ST6GALNAC4: variants seen among roughly 807,000 people sequenced by gnomAD.
The protein encoded by ST6GALNAC4 is ST6 N-acetylgalactosaminide alpha-2,6-sialyltransferase 4.
A neutral mutation model predicts 30.4 loss-of-function variants in ST6GALNAC4; 24 were observed. The ratio of observed to expected loss-of-function variants is 0.79; its 90% CI spans 0.57 to 1.11. The LOEUF (loss-of-function observed/expected upper bound fraction) is 1.11. ST6GALNAC4 is among the 50% of genes most tolerant of loss of function. The pLI, the probability that ST6GALNAC4 is intolerant of heterozygous loss-of-function variation, is 0.00. For missense variants in ST6GALNAC4, 365 were observed against 430.1 expected (o/e 0.85, Z 1.34); for synonymous variants, 156 against 179.7 (o/e 0.87, Z 1.05).
chr9:127,915,032 C>T (rs375575774), intron 2 of ST6GALNAC4, among the ~76,000 whole-genome samples, 191 bp from the exon 3 acceptor site: 20 of 152,158 alleles, frequency 1.3e-4, no homozygotes, highest in African/African-American at 2.9e-4. Flanking sequence ...CATAAGGCCC[C>T]GGAGATAACA....
At position 127,908,208 on chromosome 9, in the gene ST6GALNAC4, C is replaced by A; in HGVS notation, c.*184G>T. The A allele has an allele frequency of 3.4e-6, 1 of 290,076 alleles. No individual in the cohort carries two copies. The highest frequency in any genetic ancestry group is 6.1e-6 in the Non-Finnish European group (1 of 164,822). The allele number at this position is 290,076 out of a possible 1,614,324, so 18.0% of individuals were successfully genotyped here. On this transcript the variant is annotated 3_prime_UTR_variant, in exon 6 of 6. Transcript: ENST00000335791. ...CACGGCTCCCCCCTCCACTCCCCTTCAAGTCATGAGGCCTGAGATGGCTCC... is the reference window on the plus strand; with the variant it reads ...CACGGCTCCCCCCTCCACTCCCCTTAAAGTCATGAGGCCTGAGATGGCTCC...
chr9:127,914,596 C>T (rs1458198568), intron 3 of ST6GALNAC4, 60 bp downstream of exon 3: 11 of 1,451,500 alleles, frequency 7.6e-6, no homozygotes, highest in Non-Finnish European at 1.0e-5. Context: ...GCTCAAGGTC[C>T]GGTTTGGGAC....
rs1041660343 is a variant in ST6GALNAC4 at position 127,907,905 on chromosome 9, C to T, written c.*487G>A. ...ACAGCATCCAGAAAACACACGTTTA[C>T]CCGTACGTTCCTGATACGGCCCCGG... On this transcript the variant is annotated 3_prime_UTR_variant, in exon 6 of 6. Transcript: ENST00000335791. 1 of 152,458 alleles carries T rather than the reference C, an allele frequency of 6.6e-6. No homozygotes were observed. The highest frequency in any genetic ancestry group is 1.5e-5 in the Non-Finnish European group (1 of 68,238). 9.4% of individuals were successfully genotyped at this position (152,458 alleles called of 1,614,324 possible).
At position 127,912,424 on chromosome 9, in the gene ST6GALNAC4, C is replaced by T. The variant is rs773584232; in HGVS notation, c.455G>A (p.Gly152Asp). The T allele has an allele frequency of 1.2e-6, 2 of 1,614,026 alleles. No homozygotes were observed. The highest frequency in any genetic ancestry group is 1.3e-5 in the African/African-American group (1 of 74,942). ...CACCCGGTCCATGTGCCTGCCCTGGCCCCACACCATGTAGAGCGTGTCTCG... is the reference window on the plus strand; with the variant it reads ...CACCCGGTCCATGTGCCTGCCCTGGTCCCACACCATGTAGAGCGTGTCTCG... ...KARDTLYMVW[G>D]QGRHMDRVLG... Residue 152 changes from glycine (G) to aspartate (D), a missense_variant, in exon 4 of 6, where the codon GGC (glycine) becomes GAC (aspartate). Coordinates refer to ENST00000335791, the MANE Select transcript of ST6GALNAC4 (RefSeq NM_175039.4).
At chr9:127,912,804 A>C (rs893106887) in intron 3 of ST6GALNAC4, 124 bp from the exon 4 acceptor site, 2 of 1,210,306 alleles carry the variant, frequency 1.7e-6, no homozygotes, top group Non-Finnish European at 2.2e-6. Context: ...GACTGTTATG[A>C]ACCCATTTTG....
At position 127,908,258 on chromosome 9, in the gene ST6GALNAC4, A is replaced by G; in HGVS notation, c.*134T>C. ...CAAGTGTCGCCAGAATGGGGCGGGA[A>G]GGAACCTTAGGTCCACCCAGCACGT... On this transcript the variant is annotated 3_prime_UTR_variant, in exon 6 of 6. Coordinates refer to ENST00000335791, the MANE Select transcript of ST6GALNAC4 (RefSeq NM_175039.4). 1.2e-6 allele frequency: 1 copy of G among 820,218 alleles called. No homozygotes were observed. 50.8% of individuals were successfully genotyped at this position (820,218 alleles called of 1,614,324 possible). A position where few individuals can be genotyped will look rare whatever the true frequency, so the allele number is the denominator to read the frequency against.
rs1044011727 is a variant in ST6GALNAC4, at chr9:127,914,671, A to G, written c.183T>C (p.Ser61=). 1.2e-6 allele frequency: 2 copies of G among 1,609,950 alleles called. No homozygotes were observed. Among genetic ancestry groups the G allele is most frequent in the Non-Finnish European group, 1.7e-6 (2 of 1,178,246 alleles). ...PGPLHFSGYS[S]VPDGKPLVRE... ...GCCCACTCACCTTCCCATCTGGCAC[A>G]CTGCTATATCCACTGAAGTGCAGGG... Residue 61 remains serine, a synonymous_variant, in exon 3 of 6, where the codon AGT becomes AGC. Coordinates refer to ENST00000335791, the MANE Select transcript of ST6GALNAC4 (RefSeq NM_175039.4).
chr9:127,909,550 G>GATATATATAT (rs138520698), intron 5 of ST6GALNAC4, among the ~76,000 whole-genome samples: 4 of 145,688 alleles, frequency 2.7e-5, no homozygotes, highest in African/African-American at 7.5e-5. Flanking sequence ...ACATATCACT[G>GATATATATAT]ATATATATAT....
rs1831108666 is a variant in ST6GALNAC4, at chr9:127,912,683, G to A, written c.199-3C>T. 2 of 1,556,340 alleles carry A rather than the reference G, an allele frequency of 1.3e-6. No individual in the cohort carries two copies. The highest frequency in any genetic ancestry group is 1.7e-6 in the Non-Finnish European group (2 of 1,153,350). On this transcript the variant is annotated splice_region_variant and splice_polypyrimidine_tract_variant and intron_variant, in intron 3 of 5. Transcript: ENST00000335791. The stretch of plus-strand genomic sequence containing the variant: ...CGGCAGGGCTCGCGGACCAGCGGCT[G>A]CAGGGCAGGCAGGGAGAAAGAGACA...
chr9:127,909,816 G>C, intron 5 of ST6GALNAC4, 135 bp downstream of exon 5: 1 of 828,824 alleles, frequency 1.2e-6, no homozygotes, highest in Non-Finnish European at 1.9e-6. Context: ...AGCGCAAGGG[G>C]TATCTGTGCT....
At chr9:127,910,325 C>G in intron 4 of ST6GALNAC4, 3 of 1,231,920 alleles carry the variant, frequency 2.4e-6, no homozygotes, top group South Asian at 3.3e-5. Flanking sequence ...TTTGAGCAAA[C>G]CCCTGGATGA....
At chr9:127,914,632 G>C in intron 3 of ST6GALNAC4, 24 bp downstream of exon 3, 1 of 1,578,466 alleles carries the variant, frequency 6.3e-7, no homozygotes, top group Non-Finnish European at 8.6e-7. Context: ...TACCCACCCC[G>C]GATGCATTGC....
At position 127,908,321 on chromosome 9, in the gene ST6GALNAC4, G is replaced by C; in HGVS notation, c.*71C>G. 1 of 1,391,566 alleles carries C rather than the reference G, an allele frequency of 7.2e-7. No homozygotes were observed. The highest frequency in any genetic ancestry group is 9.6e-7 in the Non-Finnish European group (1 of 1,040,788). The allele number at this position is 1,391,566 out of a possible 1,614,324, so 86.2% of individuals were successfully genotyped here. A position where few individuals can be genotyped will look rare whatever the true frequency, so the allele number is the denominator to read the frequency against. On this transcript the variant is annotated 3_prime_UTR_variant, in exon 6 of 6. Coordinates refer to ENST00000335791, the MANE Select transcript of ST6GALNAC4 (RefSeq NM_175039.4). ...GATCCATAAATTAAATGTTTTTGTG[G>C]AGTGTGATGGCTTGGGATGGGACAT... is the stretch of plus-strand genomic sequence containing the variant.
intron 5 of ST6GALNAC4, 106 bp from the exon 6 acceptor site, chr9:127,908,687 G>A: frequency 1.9e-6 from 2 of 1,067,390 alleles, no homozygotes; most frequent in Non-Finnish European, 2.6e-6. Context: ...GGCTCGTGAA[G>A]ACCCACGCCT....
intron 2 of ST6GALNAC4, 157 bp from the exon 3 acceptor site, chr9:127,914,998 C>A (rs767183156): frequency 7.0e-6 from 4 of 573,332 alleles, no homozygotes; most frequent in Non-Finnish European, 1.1e-5. Flanking sequence ...CTGGGCCTTA[C>A]CTGGGGATGC....
Position 127,908,538 on chromosome 9 carries a change from C to T in ST6GALNAC4, c.763G>A (p.Gly255Ser). ...TACATCTGACACTCATCTAGCCGGC[C>T]CTTCTCAAAGTAGTGGTAAGGCACT... ...PSVPYHYFEK[G>S]RLDECQMYLA... Residue 255 changes from glycine (G) to serine (S), a missense_variant, in exon 6 of 6, where the codon GGC becomes AGC. By Grantham distance (56) the Gly-to-Ser change is moderately conservative. Transcript: ENST00000335791. 3.7e-6 allele frequency: 6 copies of T among 1,602,834 alleles called. No individual in the cohort carries two copies. The highest frequency in any genetic ancestry group is 4.3e-6 in the Non-Finnish European group (5 of 1,171,372).
rs769510801 is a variant in ST6GALNAC4, at chr9:127,912,347, C to T, written c.532G>A (p.Gly178Ser). The part of the protein sequence containing the change: ...TLLQLTRMYP[G>S]LQVYTFTERM... ...TCCGTGAAGGTGTACACCTGCAGGCCGGGGTACATCCTGGTGAGCTGCAGC... is the reference window on the plus strand; with the variant it reads ...TCCGTGAAGGTGTACACCTGCAGGCTGGGGTACATCCTGGTGAGCTGCAGC... Residue 178 changes from glycine (G) to serine (S), a missense_variant, in exon 4 of 6, where the codon GGC becomes AGC. Transcript: ENST00000335791. 1.8e-5 allele frequency: 29 copies of T among 1,614,006 alleles called. No individual in the cohort carries two copies. The highest frequency in any genetic ancestry group is 7.7e-5 in the South Asian group (7 of 91,090).
chr9:127,913,664 C>T (rs1345276284), intron 3 of ST6GALNAC4, among the ~76,000 whole-genome samples: 1 of 152,004 alleles, frequency 6.6e-6, no homozygotes, highest in African/African-American at 2.4e-5. Flanking sequence ...CACGGTGGCT[C>T]ACACCTGTAA....
At chr9:127,914,631 C>G (rs764746096) in intron 3 of ST6GALNAC4, 25 bp downstream of exon 3, 5 of 1,582,006 alleles carry the variant, frequency 3.2e-6, no homozygotes, top group South Asian at 1.2e-5. Flanking sequence ...CTACCCACCC[C>G]GGATGCATTG....
Sources: gnomAD v4.1 joint callset for allele counts (sites outside exome capture counted in the v4.1 genomes callset) on GRCh38, gnomAD v4.1.1 for gene constraint, MANE v1.5 for transcripts, NCBI Gene and HGNC (gene_info 2026-07-23, HGNC 2026-07-21) for gene names.